Variants in SLC16A2 observed in about 807,000 individuals in gnomAD.
The protein encoded by SLC16A2 is monocarboxylate transporter 8.
Under a neutral mutation model 27.2 loss-of-function variants are expected in SLC16A2, and 3 were observed. The ratio of observed to expected loss-of-function variants is 0.11; its 90% CI spans 0.05 to 0.28. The LOEUF (loss-of-function observed/expected upper bound fraction) is 0.28, where lower values mean the gene tolerates loss of function less well. Among genes scored for constraint, SLC16A2 ranks in the 10% least tolerant of loss-of-function variants. The probability of loss-of-function intolerance (pLI) is 1.00; values close to 1 mark genes in which losing one functional copy is unlikely to be tolerated. For missense variants in SLC16A2, 295 were observed against 458.5 expected (o/e 0.64, Z 3.26); for synonymous variants, 202 against 187.8 (o/e 1.08, Z -0.62).
intron 1 of SLC16A2, among the ~76,000 whole-genome samples, chrX:74,423,459 T>G (rs1345988291): frequency 8.9e-6 from 1 of 112,018 alleles, no homozygotes; most frequent in Non-Finnish European, 1.9e-5. Context: ...GGTTTTAGTT[T>G]GCAGCTTTGC....
At chrX:74,507,106 C>T (rs1930148863) in intron 1 of SLC16A2, among the ~76,000 whole-genome samples, 1 of 107,378 alleles carries the variant, frequency 9.3e-6, no homozygotes, top group Admixed American at 1.0e-4. Flanking sequence ...GCCACCACAC[C>T]TGGCTAATTT....
intron 1 of SLC16A2, among the ~76,000 whole-genome samples, chrX:74,450,535 C>T (rs981918044): frequency 1.8e-5 from 2 of 111,507 alleles, no homozygotes; most frequent in Non-Finnish European, 3.8e-5. Context: ...TGCTCTGCCC[C>T]GCCCCACCCA....
chrX:74,492,503 T>G (rs1208211469), intron 1 of SLC16A2, among the ~76,000 whole-genome samples: 1 of 110,556 alleles, frequency 9.0e-6, no homozygotes, highest in Non-Finnish European at 1.9e-5. Flanking sequence ...AATTCATTGA[T>G]CCTCTGTGTT....
chrX:74,453,665 G>A (rs373719216), intron 1 of SLC16A2, among the ~76,000 whole-genome samples: 1 of 110,665 alleles, frequency 9.0e-6, no homozygotes, highest in Non-Finnish European at 1.9e-5. Context: ...TTATTGATTA[G>A]CATGGGAGTT....
chrX:74,475,696 T>G (rs974421042), intron 1 of SLC16A2, among the ~76,000 whole-genome samples: 2 of 112,068 alleles, frequency 1.8e-5, no homozygotes, highest in Non-Finnish European at 3.8e-5. Context: ...GCTTTCCACA[T>G]ATGGCTAGGC....
At chrX:74,429,664 G>T (rs1928498251) in intron 1 of SLC16A2, among the ~76,000 whole-genome samples, 1 of 111,966 alleles carries the variant, frequency 8.9e-6, no homozygotes, top group African/African-American at 3.2e-5. Flanking sequence ...CAGACTGGAA[G>T]GATATATGCA....
rs1322116977 is a variant in SLC16A2 at position 74,488,094 on chromosome X, CAT to C, written c.431-32895_431-32894del. 1.8e-5 allele frequency among the ~76,000 whole-genome samples: 2 copies of C among 111,219 alleles called. 1 individual carries two copies. Among genetic ancestry groups the C allele is most frequent in the Middle Eastern group, 8.5e-3 (2 of 235 alleles). On this transcript the variant is annotated intron_variant, in intron 1 of 5. Coordinates refer to ENST00000587091, the MANE Select transcript of SLC16A2 (RefSeq NM_006517.5). Reference sequence around the variant, plus strand: ...TAATTTTACCAAAGATTACCAAAGTCATGTGAATTAAAAGGTATCTGAGCTAG... The same window carrying C: ...TAATTTTACCAAAGATTACCAAAGTCGTGAATTAAAAGGTATCTGAGCTAG...
intron 1 of SLC16A2, among the ~76,000 whole-genome samples, chrX:74,440,082 G>A (rs1928713921): frequency 8.9e-6 from 1 of 111,807 alleles, no homozygotes; most frequent in Non-Finnish European, 1.9e-5. Context: ...AGAGCAAGAT[G>A]GTTTCTCAGG....
intron 1 of SLC16A2, among the ~76,000 whole-genome samples, chrX:74,441,063 AT>A (rs60503852): frequency 5.6e-4 from 55 of 97,539 alleles, no homozygotes; most frequent in Admixed American, 7.7e-4. Flanking sequence ...CGCCTCCTGG[AT>A]TTTTTTTTTT....
chrX:74,443,029 C>T (rs1428073137), intron 1 of SLC16A2, among the ~76,000 whole-genome samples: 2 of 111,896 alleles, frequency 1.8e-5, no homozygotes, highest in Non-Finnish European at 3.8e-5. Flanking sequence ...AGTGAGAATT[C>T]AGTCTTAACT....
At chrX:74,450,690 G>A (rs1312487860) in intron 1 of SLC16A2, among the ~76,000 whole-genome samples, 1 of 111,609 alleles carries the variant, frequency 9.0e-6, no homozygotes, top group African/African-American at 3.3e-5. Context: ...TGCTGATTAG[G>A]TCTCACTCCT....
At chrX:74,496,251 AACACACACACACACACACACACACGC>A (rs1390061860) in intron 1 of SLC16A2, among the ~76,000 whole-genome samples, 1 of 64,153 alleles carries the variant, frequency 1.6e-5, no homozygotes, top group Non-Finnish European at 4.5e-5. Flanking sequence ...GAAGACAGAA[AACACACACACACACACACACACACGC>A]ACACACACAC....
intron 1 of SLC16A2, among the ~76,000 whole-genome samples, chrX:74,447,908 C>A (rs959589559): frequency 1.8e-5 from 2 of 110,791 alleles, no homozygotes; most frequent in Non-Finnish European, 3.8e-5. Context: ...ATCACTTGAA[C>A]CTGGGAGGCG....
intron 1 of SLC16A2, among the ~76,000 whole-genome samples, chrX:74,482,920 G>A (rs1476198417): frequency 1.8e-5 from 2 of 111,576 alleles, no homozygotes; most frequent in East Asian, 2.8e-4. Flanking sequence ...GCCCAGGCTG[G>A]TCTTAAACTC....
At chrX:74,423,025 A>G (rs746523321) in intron 1 of SLC16A2, among the ~76,000 whole-genome samples, 1 of 113,042 alleles carries the variant, frequency 8.8e-6, no homozygotes, top group Non-Finnish European at 1.9e-5. Flanking sequence ...CTCGCTTTCC[A>G]GGCCAGTGGA....
intron 1 of SLC16A2, among the ~76,000 whole-genome samples, chrX:74,439,789 G>A (rs182575490): frequency 1.1e-3 from 120 of 110,107 alleles, no homozygotes; most frequent in Non-Finnish European, 1.9e-3. Flanking sequence ...CAGGGAGGAG[G>A]AAGAGGGAAA....
At chrX:74,507,531 C>G (rs1271041401) in intron 1 of SLC16A2, among the ~76,000 whole-genome samples, 1 of 111,451 alleles carries the variant, frequency 9.0e-6, no homozygotes, top group Non-Finnish European at 1.9e-5. Context: ...AGTATCTACT[C>G]AAAGGAAAAT....
intron 1 of SLC16A2, among the ~76,000 whole-genome samples, chrX:74,513,621 T>A (rs1030677986): frequency 2.7e-5 from 3 of 111,958 alleles, no homozygotes; most frequent in African/African-American, 9.7e-5. Flanking sequence ...CTTACTAAAA[T>A]TTTTTGATAA....
intron 1 of SLC16A2, among the ~76,000 whole-genome samples, chrX:74,492,499 T>C (rs751690253): frequency 9.0e-6 from 1 of 110,651 alleles, no homozygotes; most frequent in Admixed American, 9.6e-5. Flanking sequence ...CTAAAATTCA[T>C]TGATCCTCTG....
Sources: allele counts gnomAD v4.1 joint callset (sites outside exome capture counted in the v4.1 genomes callset), GRCh38; gene constraint gnomAD v4.1.1; transcripts MANE v1.5; gene names NCBI Gene and HGNC (gene_info 2026-07-23, HGNC 2026-07-21).